Variants in SLC20A2 observed in about 807,000 individuals in gnomAD.
The protein encoded by SLC20A2 is sodium-dependent phosphate transporter 2.
SLC20A2 carries 30 observed loss-of-function variants against 61.0 expected under a neutral mutation model. That is an observed-to-expected ratio of 0.49 (90% CI 0.37 to 0.67). The LOEUF (loss-of-function observed/expected upper bound fraction) is 0.67, where lower values mean the gene tolerates loss of function less well. Ranked by LOEUF, SLC20A2 falls within the 30% of genes least tolerant of loss-of-function variation. The pLI is 0.00. For missense variants in SLC20A2, 626 were observed against 866.4 expected, an observed-to-expected ratio of 0.72 and a Z score of 3.48; for synonymous variants, 351 against 353.3, an observed-to-expected ratio of 0.99 and a Z score of 0.07.
At chr8:42,529,592 A>T (rs370160651) in intron 1 of SLC20A2, among the ~76,000 whole-genome samples, 71 of 152,338 alleles carry the variant, frequency 4.7e-4, no homozygotes, top group African/African-American at 1.7e-3. Flanking sequence ...AAAACATAAT[A>T]GGGAACCATG....
chr8:42,510,548 T>C (rs1243973436), intron 1 of SLC20A2, among the ~76,000 whole-genome samples: 2 of 152,248 alleles, frequency 1.3e-5, no homozygotes, highest in Non-Finnish European at 2.9e-5. Context: ...CAATCTATAT[T>C]GTTTCACAAT....
At chr8:42,515,186 G>A (rs1023213793) in intron 1 of SLC20A2, among the ~76,000 whole-genome samples, 6 of 152,238 alleles carry the variant, frequency 3.9e-5, no homozygotes, top group Non-Finnish European at 8.8e-5. Flanking sequence ...GATAAGTAGC[G>A]GGGCAGGAAT....
At chr8:42,474,475 ATGAAAAGACCACT>A (rs1302873123) in intron 1 of SLC20A2, among the ~76,000 whole-genome samples, 3 of 152,176 alleles carry the variant, frequency 2.0e-5, no homozygotes, top group Admixed American at 6.5e-5. Context: ...AGTGAGACAA[ATGAAAAGACCACT>A]CTAAGGGCAA....
intron 1 of SLC20A2, among the ~76,000 whole-genome samples, chr8:42,527,560 C>G (rs1388990042): frequency 6.6e-6 from 1 of 151,900 alleles, no homozygotes; most frequent in African/African-American, 2.4e-5. Flanking sequence ...GGCGGATCAC[C>G]TGAGGTTGGG....
intron 1 of SLC20A2, among the ~76,000 whole-genome samples, chr8:42,481,844 G>A (rs1014402160): frequency 6.6e-6 from 1 of 152,098 alleles, no homozygotes; most frequent in African/African-American, 2.4e-5. Flanking sequence ...AGCCTTCCCT[G>A]CCCTTTTTCC....
chr8:42,439,785 G>T, intron 6 of SLC20A2, 132 bp from the exon 7 acceptor site: 1 of 706,458 alleles, frequency 1.4e-6, no homozygotes, highest in Non-Finnish European at 2.3e-6. Flanking sequence ...GTTATAGCTA[G>T]ATAGAGAAAA....
rs141678642 is a variant in SLC20A2, at chr8:42,488,514, C to T, written c.-265+12517G>A. 4.6e-5 allele frequency among the ~76,000 whole-genome samples: 7 copies of T among 152,166 alleles called. No individual in the cohort carries two copies. The East Asian group carries it at 1.4e-3, about 29-fold the overall frequency. ...TAACACTGCTATTAAAATGGGTATA[C>T]AAATATCTTTCCAAGACCACACTTT... is the stretch of plus-strand genomic sequence containing the variant. On this transcript the variant is annotated intron_variant, in intron 1 of 10. Coordinates refer to ENST00000520262, the MANE Select transcript of SLC20A2 (RefSeq NM_001257180.2).
intron 9 of SLC20A2, 145 bp downstream of exon 9, chr8:42,429,919 G>A (rs867918752): frequency 2.5e-5 from 15 of 600,780 alleles, no homozygotes; most frequent in South Asian, 5.5e-5. Flanking sequence ...ATGCTAGGTG[G>A]GGCCATTCTT....
intron 5 of SLC20A2, among the ~76,000 whole-genome samples, chr8:42,458,943 C>G (rs977311999): frequency 1.5e-5 from 2 of 131,776 alleles, no homozygotes; most frequent in Non-Finnish European, 1.6e-5. Context: ...ATTTTTAACC[C>G]CCCCCCCCAC....
At chr8:42,418,529 G>A (rs558608524) in intron 10 of SLC20A2, among the ~76,000 whole-genome samples, 1 of 152,210 alleles carries the variant, frequency 6.6e-6, no homozygotes, top group East Asian at 1.9e-4. Context: ...TGGGATTACA[G>A]GCAAGCACCA....
rs563782723 is a variant in SLC20A2 at position 42,446,582 on chromosome 8, C to T, written c.614-1820G>A. 2.7e-3 allele frequency among the ~76,000 whole-genome samples: 417 copies of T among 152,270 alleles called. 4 individuals carry two copies. Among genetic ancestry groups the T allele is most frequent in the African/African-American group, 9.8e-3 (408 of 41,552 alleles). On this transcript the variant is annotated intron_variant, in intron 5 of 10. Transcript: ENST00000520262. Reference sequence around the variant, plus strand: ...CTATATGTACTGATAAGGAAAGAGGCCCAAGATCCAATGAGTAATGCAGGC... The same window carrying T: ...CTATATGTACTGATAAGGAAAGAGGTCCAAGATCCAATGAGTAATGCAGGC...
Position 42,437,237 on chromosome 8 carries a change from C to T in SLC20A2, c.1275G>A (p.Lys425=). ...AGTAGCTGTCGTAGCGCAGCCTCTT[C>T]TTGGAGTAGGACACGGTGTCGCCCA... is the stretch of plus-strand genomic sequence containing the variant. The part of the protein sequence containing the change: ...KLVGDTVSYS[K]KRLRYDSYSS... Residue 425 remains lysine (K), a synonymous_variant, in exon 8 of 11, where the codon AAG becomes AAA. Coordinates refer to ENST00000520262, the MANE Select transcript of SLC20A2 (RefSeq NM_001257180.2). This position sits in a 1 kb window ranked among gnomAD's most constrained non-coding sequence, Gnocchi z 6.4. 6.2e-7 allele frequency: 1 copy of T among 1,613,988 alleles called. No homozygotes were observed. The highest frequency in any genetic ancestry group is 8.5e-7 in the Non-Finnish European group (1 of 1,180,042).
intron 5 of SLC20A2, among the ~76,000 whole-genome samples, chr8:42,451,410 A>AG (rs1805635129): frequency 6.9e-6 from 1 of 144,892 alleles, no homozygotes; most frequent in Admixed American, 6.8e-5. Context: ...GAGATAGAGG[A>AG]GAAGGAGTAG....
chr8:42,430,287 G>A (rs1158130167), intron 8 of SLC20A2, 38 bp from the exon 9 acceptor site: 1 of 1,550,218 alleles, frequency 6.5e-7, no homozygotes, highest in East Asian at 2.3e-5. Flanking sequence ...AACTATATAT[G>A]CAAGCGGCAA....
chr8:42,537,175 G>A (rs1812759894), intron 1 of SLC20A2, among the ~76,000 whole-genome samples: 1 of 151,944 alleles, frequency 6.6e-6, no homozygotes, highest in South Asian at 2.1e-4. Context: ...TTTGAGCCCA[G>A]GAGTTCAAGA....
chr8:42,491,196 T>C (rs576369785), intron 1 of SLC20A2, among the ~76,000 whole-genome samples: 95 of 152,212 alleles, frequency 6.2e-4, no homozygotes, highest in Non-Finnish European at 1.2e-3. Flanking sequence ...GGTCAGGAGT[T>C]AGAGACCAGC....
At chr8:42,448,834 G>C (rs896156394) in intron 5 of SLC20A2, among the ~76,000 whole-genome samples, 2 of 152,200 alleles carry the variant, frequency 1.3e-5, no homozygotes, top group Non-Finnish European at 2.9e-5. Context: ...TATTCCAGCA[G>C]TTTGGTGATT....
chr8:42,452,378 A>G (rs1331923918), intron 5 of SLC20A2, among the ~76,000 whole-genome samples: 2 of 139,750 alleles, frequency 1.4e-5, no homozygotes, highest in Non-Finnish European at 3.0e-5. Flanking sequence ...GATAAAGAGG[A>G]GAAGGAGGAA....
Position 42,460,829 on chromosome 8 carries a change from A to T in SLC20A2, c.517-837T>A, listed in dbSNP as rs1472232553. 2.0e-5 allele frequency among the ~76,000 whole-genome samples: 3 copies of T among 152,352 alleles called. No individual in the cohort carries two copies. In the East Asian group the frequency reaches 5.8e-4, roughly 29 times the overall value. ...TCCCATCAATGTAACACTGGCACAC[A>T]GATGTGGCTCAAATAATTCAAAAAG... On this transcript the variant is annotated intron_variant, in intron 4 of 10. Transcript: ENST00000520262.
Sources: allele counts gnomAD v4.1 joint callset (sites outside exome capture counted in the v4.1 genomes callset), GRCh38; gene constraint gnomAD v4.1.1; non-coding constraint Gnocchi (gnomAD v3.1); transcripts MANE v1.5; gene names NCBI Gene and HGNC (gene_info 2026-07-23, HGNC 2026-07-21).